Variants in SIN3B observed in about 807,000 individuals in gnomAD.
SIN3B encodes the protein paired amphipathic helix protein Sin3b.
A neutral mutation model predicts 120.2 loss-of-function variants in SIN3B; 19 were observed. The observed-to-expected ratio is 0.16, with a 90% confidence interval of 0.11 to 0.23. The LOEUF (loss-of-function observed/expected upper bound fraction) is 0.23, where lower values mean the gene tolerates loss of function less well. Among genes scored for constraint, SIN3B ranks in the 10% least tolerant of loss-of-function variants. SIN3B has a pLI of 1.00. For synonymous variants in SIN3B, 654 were observed against 653.2 expected (o/e 1.00, Z -0.02); for missense variants, 1,073 against 1,573.0 (o/e 0.68, Z 5.38).
intron 8 of SIN3B, among the ~76,000 whole-genome samples, chr19:16,858,220 C>T (rs369506675): frequency 2.6e-5 from 4 of 152,160 alleles, no homozygotes; most frequent in African/African-American, 7.2e-5. Flanking sequence ...CTCCTTTCAC[C>T]TCTGATTCCC....
Position 16,876,300 on chromosome 19 carries a change from G to C in SIN3B, c.2766+72G>C. ...TCACTCCGCTCTGGACTCAGTCCTG[G>C]GTGGACCCTGGTTCAGCGGCTGGGA... On this transcript the variant is annotated intron_variant, in intron 15 of 18. Transcript: ENST00000248054. The surrounding 1 kb of genome is among the most constrained non-coding windows in gnomAD (Gnocchi z 7.1). 17 of 1,523,134 alleles carry C rather than the reference G, an allele frequency of 1.1e-5. No individual in the cohort carries two copies. The highest frequency in any genetic ancestry group is 1.4e-5 in the Non-Finnish European group (16 of 1,124,380). The allele number at this position is 1,523,134 out of a possible 1,614,324, so 94.4% of individuals were successfully genotyped here.
At chr19:16,871,188 C>G (rs1292589839) in intron 13 of SIN3B, 41 bp from the exon 14 acceptor site, 2 of 1,612,886 alleles carry the variant, frequency 1.2e-6, no homozygotes, top group Non-Finnish European at 1.7e-6. Context: ...TGACTTTGCG[C>G]TCTCCAGGAG....
At position 16,871,463 on chromosome 19, in the gene SIN3B, C is replaced by T. The variant is rs1043483478; in HGVS notation, c.2592+65C>T. 4 of 1,485,206 alleles carry T rather than the reference C, an allele frequency of 2.7e-6. No individual in the cohort carries two copies. The African/African-American group carries it at 4.2e-5, about 16-fold the overall frequency. 92.0% of individuals were successfully genotyped at this position (1,485,206 alleles called of 1,614,324 possible). ...GAAATGGCTCTACCATCATTTCACT[C>T]CCCGCTCGGGAGGGGGCCCGTGGTC... On this transcript the variant is annotated intron_variant, in intron 14 of 18. Transcript: ENST00000248054.
chr19:16,847,732 T>TA (rs1270745669), intron 5 of SIN3B, among the ~76,000 whole-genome samples: 1 of 152,210 alleles, frequency 6.6e-6, no homozygotes, highest in African/African-American at 2.4e-5. Context: ...ACTATGATCA[T>TA]AAGACTTTTT....
At position 16,878,394 on chromosome 19, in the gene SIN3B, C is replaced by T; in HGVS notation, c.3162+4C>T. 3 of 1,610,004 alleles carry T rather than the reference C, an allele frequency of 1.9e-6. No homozygotes were observed. Among genetic ancestry groups the T allele is most frequent in the Non-Finnish European group, 2.5e-6 (3 of 1,178,734 alleles). On this transcript the variant is annotated splice_donor_region_variant and intron_variant, in intron 18 of 18. Transcript: ENST00000248054. The stretch of plus-strand genomic sequence containing the variant: ...GACCCTCTGCCGGGCCAAGCAGGTG[C>T]CAGGGGAGGCCTGGGCTGCCCCGAC...
At chr19:16,867,045 G>A (rs1426931954) in intron 12 of SIN3B, among the ~76,000 whole-genome samples, 1 of 152,152 alleles carries the variant, frequency 6.6e-6, no homozygotes, top group East Asian at 1.9e-4. Flanking sequence ...GTAAGCCACC[G>A]CTCCTGGCCG....
intron 6 of SIN3B, among the ~76,000 whole-genome samples, chr19:16,852,447 G>A (rs10417507): frequency 0.54 from 81,941 of 152,016 alleles, 22,418 homozygotes; most frequent in Non-Finnish European, 0.59. Context: ...AGGTTTCATC[G>A]TGTTGCCCAG....
chr19:16,841,775 C>G lies in SIN3B; in HGVS notation c.389C>G (p.Ser130Trp). The change falls in exon 4 of 19, where the codon TCG becomes TGG. Residue 130 changes from serine to tryptophan, a missense_variant. Ser to Trp is a radical substitution (Grantham distance 177). This residue lies in a region of SIN3B where 395 missense variants were observed against 528.0 expected (regional missense o/e 0.75). Transcript: ENST00000248054. ...IQSPLTSQEN[S>W]HNHGDGAEDF... ...TCATTGTCGCCTTGTCAGGAGAATT[C>G]GCACAACCACGGGGACGGTGCAGAG... The G allele has an allele frequency of 1.2e-6, 2 of 1,613,614 alleles. No individual in the cohort carries two copies. Among genetic ancestry groups the G allele is most frequent in the Non-Finnish European group, 1.7e-6 (2 of 1,179,800 alleles).
chr19:16,863,691 C>T lies in SIN3B; in HGVS notation c.1278C>T (p.Asp426=), dbSNP rs770392179. The change falls in exon 10 of 19, where the codon GAC becomes GAT. Residue 426 remains aspartate (D), a synonymous_variant. Transcript: ENST00000248054. ...TCCTCTTGGTGCAGGTACTGAACGA[C>T]ACCTGGGTCTCCTTCCCTTCCTGGT... The part of the protein sequence containing the change: ...RTAICKEVLN[D]TWVSFPSWSE... 6.2e-7 allele frequency: 1 copy of T among 1,612,772 alleles called. No individual in the cohort carries two copies. The highest frequency in any genetic ancestry group is 1.1e-5 in the South Asian group (1 of 91,064).
intron 6 of SIN3B, among the ~76,000 whole-genome samples, 173 bp downstream of exon 6, chr19:16,851,707 C>T (rs1971548555): frequency 6.6e-6 from 1 of 152,230 alleles, no homozygotes; most frequent in Non-Finnish European, 1.5e-5. Flanking sequence ...TCTAAGGTGG[C>T]TGTTCTTCCG....
chr19:16,868,154 CAG>C (rs542317413), intron 12 of SIN3B, among the ~76,000 whole-genome samples: 77 of 152,306 alleles, frequency 5.1e-4, no homozygotes, highest in African/African-American at 1.8e-3. Context: ...AAGGAATTTT[CAG>C]AGTGTTTATG....
At position 16,870,097 on chromosome 19, in the gene SIN3B, G is replaced by A. The variant is rs813493; in HGVS notation, c.2422+22G>A. 2,010 of 1,552,162 alleles carry A rather than the reference G, an allele frequency of 1.3e-3. 22 individuals carry two copies. In the African/African-American group the frequency reaches 0.025, roughly 19 times the overall value. On this transcript the variant is annotated intron_variant, in intron 13 of 18. Transcript: ENST00000248054. ...CCCAGTAAGGCTCCAAAGCCTGCCG[G>A]GAGGCCCCGGGGGGTGCCTGGGGTT...
intron 3 of SIN3B, among the ~76,000 whole-genome samples, chr19:16,836,102 G>T (rs187120007): frequency 1.2e-3 from 180 of 152,330 alleles, no homozygotes; most frequent in African/African-American, 4.3e-3. Flanking sequence ...AGCCTTTGGC[G>T]CAGGGTGTCT....
intron 5 of SIN3B, among the ~76,000 whole-genome samples, chr19:16,847,701 C>T (rs533900073): frequency 5.9e-5 from 9 of 152,214 alleles, no homozygotes; most frequent in Non-Finnish European, 1.0e-4. Flanking sequence ...GCCGCCTGTT[C>T]CGATTCCTCT....
At position 16,829,543 on chromosome 19, in the gene SIN3B, G is replaced by A. The variant is rs1225687444; in HGVS notation, c.120+3G>A. The A allele has an allele frequency of 4.0e-6, 5 of 1,236,840 alleles. No individual in the cohort carries two copies. The East Asian group carries it at 1.6e-4, about 39-fold the overall frequency. 76.6% of individuals were successfully genotyped at this position (1,236,840 alleles called of 1,614,324 possible). A position where few individuals can be genotyped will look rare whatever the true frequency, so the allele number is the denominator to read the frequency against. ...GCCACGAGAAGCTGCCGGTGCACGT[G>A]AGTGGCGTCCCCGCCCTCCCTCGGG... On this transcript the variant is annotated splice_donor_region_variant and intron_variant, in intron 1 of 18. Transcript: ENST00000248054.
intron 6 of SIN3B, 134 bp from the exon 7 acceptor site, chr19:16,852,935 G>A: frequency 3.1e-6 from 2 of 643,200 alleles, no homozygotes; most frequent in South Asian, 2.2e-5. Context: ...GCTCCTGCCT[G>A]TCCCTCACTG....
At chr19:16,833,582 A>C (rs528741810) in intron 3 of SIN3B, among the ~76,000 whole-genome samples, 2 of 150,300 alleles carry the variant, frequency 1.3e-5, no homozygotes, top group East Asian at 4.1e-4. Context: ...CAGTGAGCAG[A>C]GATTGTGCCA....
intron 10 of SIN3B, among the ~76,000 whole-genome samples, chr19:16,864,154 C>T (rs773563187): frequency 2.2e-4 from 34 of 151,956 alleles, no homozygotes; most frequent in Non-Finnish European, 4.9e-4. Context: ...ATTAGCCGGG[C>T]GTGGTGGCGG....
chr19:16,877,243 G>A (rs898098842), intron 16 of SIN3B: 8 of 412,140 alleles, frequency 1.9e-5, no homozygotes, highest in African/African-American at 6.1e-5. Flanking sequence ...AGTGTGGGCC[G>A]GGCGGTGCTC....
Sources: gnomAD v4.1 joint callset for allele counts (sites outside exome capture counted in the v4.1 genomes callset) on GRCh38, gnomAD v4.1.1 for gene constraint, gnomAD v4.1.1 regional missense constraint, Gnocchi (gnomAD v3.1) non-coding constraint, MANE v1.5 for transcripts, NCBI Gene and HGNC (gene_info 2026-07-23, HGNC 2026-07-21) for gene names.